Variants in GRIK4 observed in about 807,000 individuals in gnomAD.
GRIK4 encodes the protein glutamate receptor ionotropic, kainate 4.
A neutral mutation model predicts 104.9 loss-of-function variants in GRIK4; 40 were observed. The observed-to-expected ratio is 0.38, with a 90% CI of 0.30 to 0.50. The LOEUF is 0.50. GRIK4 is among the 20% of genes least tolerant of loss of function. The pLI is 0.93. For missense variants in GRIK4, 1,047 were observed against 1,308.1 expected (o/e 0.80, Z 3.08); for synonymous variants, 485 against 524.9 (o/e 0.92, Z 1.04).
At chr11:120,605,439 T>C (rs1441505087) in intron 1 of GRIK4, among the ~76,000 whole-genome samples, 1 of 152,162 alleles carries the variant, frequency 6.6e-6, no homozygotes, top group Non-Finnish European at 1.5e-5. Context: ...ATAAGACAAA[T>C]ACTACTTACA....
Position 120,660,258 on chromosome 11 carries a change from C to A in GRIK4, c.-50-11C>A, listed in dbSNP as rs1053672881. On this transcript the variant is annotated splice_polypyrimidine_tract_variant and intron_variant, in intron 2 of 20. Transcript: ENST00000527524. ...CTGGGACTCACGTGCCCCCAACCCC[C>A]TCTCTCGCAGAGTTATGTCATGCCC... 20 of 1,248,934 alleles carry A rather than the reference C, an allele frequency of 1.6e-5. No homozygotes were observed. The African/African-American group carries it at 2.2e-4, about 14-fold the overall frequency. 77.4% of individuals were successfully genotyped at this position (1,248,934 alleles called of 1,614,324 possible). A position where few individuals can be genotyped will look rare whatever the true frequency, so the allele number is the denominator to read the frequency against.
chr11:120,556,065 TG>T (rs1293264429), intron 1 of GRIK4, among the ~76,000 whole-genome samples: 1 of 152,042 alleles, frequency 6.6e-6, no homozygotes, highest in African/African-American at 2.4e-5. Flanking sequence ...CCGTCTAATG[TG>T]GGTTAGAGGG....
chr11:120,869,000 G>A (rs1289346471), intron 9 of GRIK4: 1 of 152,290 alleles, frequency 6.6e-6, no homozygotes, highest in Non-Finnish European at 1.5e-5. Context: ...GAGGGAGAAA[G>A]ATGCTTTGGG....
rs776440015 is a variant in GRIK4 at position 120,889,588 on chromosome 11, C to CTTTTTTTTTTTTTTT, written c.1165-8944_1165-8943insTTTTTTTTTTTTTTT. On this transcript the variant is annotated intron_variant, in intron 11 of 20. Transcript: ENST00000527524. ...AATAGAATAAAATAGAAAGAGCTTA[C>CTTTTTTTTTTTTTTT]ATTTTTTTTTTTTTTTTTTTTTTTT... Among the ~76,000 whole-genome samples, 43 of 67,138 alleles carry CTTTTTTTTTTTTTTT rather than the reference C, an allele frequency of 6.4e-4. 5 individuals are homozygous for CTTTTTTTTTTTTTTT. The highest frequency in any genetic ancestry group is 3.4e-3 in the East Asian group (6 of 1,750). 44.0% of individuals were successfully genotyped at this position (67,138 alleles called of 152,430 possible). A position where few individuals can be genotyped will look rare whatever the true frequency, so the allele number is the denominator to read the frequency against.
At chr11:120,652,605 AT>A (rs5795239) in intron 1 of GRIK4, among the ~76,000 whole-genome samples, 93,298 of 149,982 alleles carry the variant, frequency 0.62, 28,987 homozygotes, top group East Asian at 0.74. Context: ...GTTCACATCC[AT>A]TTTTTTTTTT....
intron 3 of GRIK4, among the ~76,000 whole-genome samples, chr11:120,665,565 A>G (rs760142651): frequency 9.2e-5 from 14 of 152,118 alleles, no homozygotes; most frequent in Non-Finnish European, 1.9e-4. Context: ...GGCTTAGTAA[A>G]TGTTTGCTAA....
intron 19 of GRIK4, among the ~76,000 whole-genome samples, chr11:120,976,134 G>A (rs569195561): frequency 1.4e-3 from 209 of 152,276 alleles, no homozygotes; most frequent in Middle Eastern, 3.4e-3. Flanking sequence ...GTAAAGTGGG[G>A]ACAATGGGCC....
chr11:120,516,908 C>G (rs921079262), intron 1 of GRIK4, among the ~76,000 whole-genome samples: 1 of 152,074 alleles, frequency 6.6e-6, no homozygotes, highest in African/African-American at 2.4e-5. Flanking sequence ...GGGGCTCACC[C>G]TGGGCGGCGG....
intron 1 of GRIK4, among the ~76,000 whole-genome samples, chr11:120,623,197 C>A (rs1219869184): frequency 6.6e-6 from 1 of 152,180 alleles, no homozygotes; most frequent in Non-Finnish European, 1.5e-5. Context: ...GGCTGGAGTG[C>A]AGTGGTGTGA....
chr11:120,634,058 C>T (rs956322411), intron 1 of GRIK4, among the ~76,000 whole-genome samples: 5 of 152,184 alleles, frequency 3.3e-5, no homozygotes, highest in South Asian at 2.1e-4. Context: ...GTTAGAGCAG[C>T]GGCTGCACCT....
chr11:120,937,068 C>G (rs1943613277), intron 13 of GRIK4, among the ~76,000 whole-genome samples: 1 of 152,198 alleles, frequency 6.6e-6, no homozygotes, highest in Non-Finnish European at 1.5e-5. Flanking sequence ...GATGGAGTCT[C>G]TCTCTGTTGC....
chr11:120,797,136 G>T (rs1299406460), intron 3 of GRIK4, among the ~76,000 whole-genome samples: 2 of 152,146 alleles, frequency 1.3e-5, no homozygotes, highest in Non-Finnish European at 2.9e-5. Flanking sequence ...AAGAGTCAGT[G>T]TGCACTGAGG....
At chr11:120,942,949 G>T (rs1156870487) in intron 14 of GRIK4, among the ~76,000 whole-genome samples, 2 of 152,122 alleles carry the variant, frequency 1.3e-5, no homozygotes, top group South Asian at 4.2e-4. Flanking sequence ...CTGAGGTTTC[G>T]TGAAGAAGGA....
intron 13 of GRIK4, among the ~76,000 whole-genome samples, chr11:120,929,084 T>A (rs980749541): frequency 3.9e-5 from 6 of 152,180 alleles, no homozygotes; most frequent in Non-Finnish European, 8.8e-5. Flanking sequence ...CTATTTACTG[T>A]TCCTTTATTC....
intron 11 of GRIK4, among the ~76,000 whole-genome samples, chr11:120,879,619 C>T (rs1375715141): frequency 1.3e-5 from 2 of 152,190 alleles, no homozygotes; most frequent in African/African-American, 4.8e-5. Flanking sequence ...TGGGACTGAC[C>T]TTGTGGAGCT....
chr11:120,602,302 G>A (rs1948898502), intron 1 of GRIK4, among the ~76,000 whole-genome samples: 1 of 152,194 alleles, frequency 6.6e-6, no homozygotes, highest in Admixed American at 6.5e-5. Flanking sequence ...TGTTCCTGGA[G>A]CCAATCTCCA....
chr11:120,831,897 A>AG lies in GRIK4; in HGVS notation c.559dup (p.Asp187GlyfsTer10). ...CTGCTCCGGCAATTCCTTATCTCCA[A>AG]GGACACGCTGTCCGTCCGCATGCTG... On this transcript the variant is annotated frameshift_variant, in exon 7 of 21. Transcript: ENST00000527524. LOFTEE classifies it high-confidence loss of function. The AG allele has an allele frequency of 6.2e-7, 1 of 1,613,890 alleles. No homozygotes were observed. The highest frequency in any genetic ancestry group is 8.5e-7 in the Non-Finnish European group (1 of 1,179,894).
intron 19 of GRIK4, among the ~76,000 whole-genome samples, chr11:120,978,611 T>A (rs1944600852): frequency 6.6e-6 from 1 of 152,044 alleles, no homozygotes; most frequent in African/African-American, 2.4e-5. Flanking sequence ...AGGGAAATAG[T>A]TTTAAAGGCT....
At chr11:120,907,206 G>A (rs984612532) in intron 13 of GRIK4, among the ~76,000 whole-genome samples, 69 of 152,282 alleles carry the variant, frequency 4.5e-4, no homozygotes, top group African/African-American at 1.6e-3. Context: ...GAAATGCCAG[G>A]CCTTTTCTTT....
Sources: allele counts gnomAD v4.1 joint callset (sites outside exome capture counted in the v4.1 genomes callset), GRCh38; gene constraint gnomAD v4.1.1; transcripts MANE v1.5; gene names NCBI Gene and HGNC (gene_info 2026-07-23, HGNC 2026-07-21).